ITPR2: variants seen among roughly 807,000 people sequenced by gnomAD.
The protein encoded by ITPR2 is inositol 1,4,5-trisphosphate-gated calcium channel ITPR2.
Under a neutral mutation model 317.1 loss-of-function variants are expected in ITPR2, and 207 were observed. That is an observed-to-expected ratio of 0.65 (90% CI 0.58 to 0.73). The LOEUF (loss-of-function observed/expected upper bound fraction) is 0.73, where lower values mean the gene tolerates loss of function less well. ITPR2 is among the 30% of genes least tolerant of loss of function. The pLI, the probability that ITPR2 is intolerant of heterozygous loss-of-function variation, is 0.00. For missense variants in ITPR2, 2,613 were observed against 3,284.0 expected (o/e 0.80, Z 4.99); for synonymous variants, 1,156 against 1,149.1 (o/e 1.01, Z -0.12).
intron 43 of ITPR2, among the ~76,000 whole-genome samples, chr12:26,477,339 T>C (rs1030211262): frequency 6.6e-6 from 1 of 151,910 alleles, no homozygotes; most frequent in Non-Finnish European, 1.5e-5. Context: ...CATTTCATAA[T>C]GATGTTTTAA....
At chr12:26,711,757 G>A (rs1948646010) in intron 8 of ITPR2, among the ~76,000 whole-genome samples, 1 of 152,194 alleles carries the variant, frequency 6.6e-6, no homozygotes, top group South Asian at 2.1e-4. Context: ...ACATGATTGA[G>A]TAACTAGGGA....
intron 21 of ITPR2, among the ~76,000 whole-genome samples, chr12:26,638,829 G>A (rs1257856357): frequency 6.6e-6 from 1 of 152,022 alleles, no homozygotes; most frequent in African/African-American, 2.4e-5. Context: ...AATCCAACAT[G>A]GTAAATTCAA....
chr12:26,370,683 T>C (rs1939160925), intron 55 of ITPR2, among the ~76,000 whole-genome samples: 2 of 152,154 alleles, frequency 1.3e-5, no homozygotes, highest in African/African-American at 4.8e-5. Flanking sequence ...TTGTTGTTTG[T>C]TTGTTTGTTT....
chr12:26,707,775 C>T (rs918509792), intron 9 of ITPR2, among the ~76,000 whole-genome samples: 1 of 152,104 alleles, frequency 6.6e-6, no homozygotes, highest in Non-Finnish European at 1.5e-5. Flanking sequence ...GGTGATCCAC[C>T]CGCCTCAGCC....
At chr12:26,375,141 G>A (rs1228991717) in intron 55 of ITPR2, among the ~76,000 whole-genome samples, 1 of 152,178 alleles carries the variant, frequency 6.6e-6, no homozygotes, top group Admixed American at 6.5e-5. Flanking sequence ...TAAGTAAAAT[G>A]TATCAGTCCT....
rs1219401855 is a variant in ITPR2 at position 26,777,533 on chromosome 12, C to G, written c.163+12624G>C. On this transcript the variant is annotated intron_variant, in intron 2 of 56. Coordinates refer to ENST00000381340, the MANE Select transcript of ITPR2 (RefSeq NM_002223.4). ...TGGGTGTAACTACCATAATGGAAAGCAGAGGCAAAGCAACCATCAGAATAG... is the reference window on the plus strand; with the variant it reads ...TGGGTGTAACTACCATAATGGAAAGGAGAGGCAAAGCAACCATCAGAATAG... 2.0e-5 allele frequency among the ~76,000 whole-genome samples: 3 copies of G among 152,218 alleles called. No individual in the cohort carries two copies. The East Asian group carries it at 5.8e-4, about 29-fold the overall frequency.
intron 10 of ITPR2, among the ~76,000 whole-genome samples, chr12:26,689,271 G>C (rs1018789898): frequency 6.6e-6 from 1 of 152,032 alleles, no homozygotes; most frequent in African/African-American, 2.4e-5. Flanking sequence ...ACAATAATTA[G>C]TTAGGCATGA....
intron 41 of ITPR2, among the ~76,000 whole-genome samples, chr12:26,484,397 G>C (rs1387905825): frequency 6.6e-6 from 1 of 151,842 alleles, no homozygotes; most frequent in Non-Finnish European, 1.5e-5. Context: ...CATTATGAAG[G>C]GCAACTGGAA....
At chr12:26,546,484 G>C (rs1298006978) in intron 37 of ITPR2, among the ~76,000 whole-genome samples, 1 of 152,090 alleles carries the variant, frequency 6.6e-6, no homozygotes, top group Non-Finnish European at 1.5e-5. Context: ...TTAAGATAAT[G>C]ACCTTCAGTT....
chr12:26,470,176 C>T (rs985714402), intron 45 of ITPR2, among the ~76,000 whole-genome samples: 13 of 152,324 alleles, frequency 8.5e-5, no homozygotes, highest in African/African-American at 2.9e-4. Flanking sequence ...TCCTATAATT[C>T]CTGCAAATCC....
chr12:26,676,009 T>C (rs1210858932), intron 13 of ITPR2, among the ~76,000 whole-genome samples: 2 of 151,622 alleles, frequency 1.3e-5, no homozygotes, highest in African/African-American at 2.4e-5. Context: ...AATACAAAAA[T>C]TAGCTAGGTG....
At chr12:26,771,005 T>A (rs990249884) in intron 2 of ITPR2, among the ~76,000 whole-genome samples, 1 of 152,218 alleles carries the variant, frequency 6.6e-6, no homozygotes, top group Admixed American at 6.5e-5. Flanking sequence ...TGTGTCTTTA[T>A]GTGGTCTTCT....
At chr12:26,740,859 A>C (rs1949217952) in intron 2 of ITPR2, among the ~76,000 whole-genome samples, 1 of 152,196 alleles carries the variant, frequency 6.6e-6, no homozygotes, top group Admixed American at 6.5e-5. Context: ...TAGAGGGAAA[A>C]GTATCAAATA....
At chr12:26,671,779 A>G (rs1592020806) in intron 13 of ITPR2, among the ~76,000 whole-genome samples, 1 of 152,258 alleles carries the variant, frequency 6.6e-6, no homozygotes, top group South Asian at 2.1e-4. Flanking sequence ...GTCAAGACTC[A>G]TCAGTGTGCT....
rs1431048955 is a variant in ITPR2, at chr12:26,337,666, A to G, written c.*1731T>C. ...GTTCAAAGTTCTGTGCTGCATGCAG[A>G]CATATCAAAATTTCTTATATCTTTG... is the stretch of plus-strand genomic sequence containing the variant. On this transcript the variant is annotated 3_prime_UTR_variant, in exon 57 of 57. Transcript: ENST00000381340. The G allele has an allele frequency of 6.6e-6, 1 of 152,256 alleles. No individual in the cohort carries two copies. Among genetic ancestry groups the G allele is most frequent in the Non-Finnish European group, 1.5e-5 (1 of 68,044 alleles). The allele number at this position is 152,256 out of a possible 1,614,324, so 9.4% of individuals were successfully genotyped here. A position where few individuals can be genotyped will look rare whatever the true frequency, so the allele number is the denominator to read the frequency against.
intron 11 of ITPR2, among the ~76,000 whole-genome samples, chr12:26,685,980 T>C (rs1275975877): frequency 6.6e-6 from 1 of 152,234 alleles, no homozygotes; most frequent in African/African-American, 2.4e-5. Context: ...TTTATGTCTA[T>C]TGTTTTGTTT....
chr12:26,341,811 G>C (rs532536100), intron 55 of ITPR2, among the ~76,000 whole-genome samples: 1 of 152,252 alleles, frequency 6.6e-6, no homozygotes, highest in South Asian at 2.1e-4. Context: ...ACAAAGAGTG[G>C]GCTGCACACT....
rs1249502113 is a variant in ITPR2 at position 26,653,990 on chromosome 12, T to G, written c.2726A>C (p.Lys909Thr). The G allele has an allele frequency of 1.2e-6, 2 of 1,610,366 alleles. No individual in the cohort carries two copies. The highest frequency in any genetic ancestry group is 1.7e-5 in the Admixed American group (1 of 59,690). ...AAAATTCTTACCTCCATCTTGAAAT[T>G]TGCTTAATCTTTCAAAGTATGATGA... Reference protein sequence around the residue: ...PMSSYFERLSKFQDGGNNVMR... With the variant: ...PMSSYFERLSTFQDGGNNVMR... The change falls in exon 21 of 57, where the codon AAA (lysine) becomes ACA (threonine). Residue 909 changes from lysine to threonine, a missense_variant. By Grantham distance (78) the Lys-to-Thr change is moderately conservative. This residue lies in a region of ITPR2 where 817 missense variants were observed against 897.6 expected (regional missense o/e 0.91). Coordinates refer to ENST00000381340, the MANE Select transcript of ITPR2 (RefSeq NM_002223.4).
At chr12:26,664,219 C>T (rs1947567489) in intron 14 of ITPR2, among the ~76,000 whole-genome samples, 1 of 152,122 alleles carries the variant, frequency 6.6e-6, no homozygotes, top group Non-Finnish European at 1.5e-5. Flanking sequence ...CTATTATTTT[C>T]TATAACCTTT....
Sources: allele counts gnomAD v4.1 joint callset (sites outside exome capture counted in the v4.1 genomes callset), GRCh38; gene constraint gnomAD v4.1.1; regional missense constraint gnomAD v4.1.1; transcripts MANE v1.5; gene names NCBI Gene and HGNC (gene_info 2026-07-23, HGNC 2026-07-21).